Variants in ACTN4 observed in about 807,000 individuals in gnomAD.
The protein encoded by ACTN4 is actinin alpha 4.
Under a neutral mutation model 114.2 loss-of-function variants are expected in ACTN4, and 18 were observed. The observed-to-expected ratio is 0.16, with a 90% CI of 0.11 to 0.23. The LOEUF is 0.23. Among genes scored for constraint, ACTN4 ranks in the 10% least tolerant of loss-of-function variants. The pLI is 1.00. For synonymous variants in ACTN4, 515 were observed against 506.3 expected (o/e 1.02, Z -0.23); for missense variants, 722 against 1,262.9 (o/e 0.57, Z 6.49).
chr19:38,681,292 A>G (rs968749770), intron 1 of ACTN4, among the ~76,000 whole-genome samples: 4 of 152,042 alleles, frequency 2.6e-5, no homozygotes, highest in African/African-American at 9.7e-5. Context: ...ATCTGTGCCC[A>G]TGTCTCCCTC....
chr19:38,700,588 C>T lies in ACTN4; in HGVS notation c.163-12C>T. ...CTGACTCTGCGCACTGTCCTTTGTTCTGCTTCCCCAGACCTTCACGGCATG... is the reference window on the plus strand; with the variant it reads ...CTGACTCTGCGCACTGTCCTTTGTTTTGCTTCCCCAGACCTTCACGGCATG... On this transcript the variant is annotated splice_polypyrimidine_tract_variant and intron_variant, in intron 1 of 20. Coordinates refer to ENST00000252699, the MANE Select transcript of ACTN4 (RefSeq NM_004924.6). 1 of 1,608,382 alleles carries T rather than the reference C, an allele frequency of 6.2e-7. No homozygotes were observed. The highest frequency in any genetic ancestry group is 8.5e-7 in the Non-Finnish European group (1 of 1,174,776).
At chr19:38,693,287 C>T (rs781119660) in intron 1 of ACTN4, among the ~76,000 whole-genome samples, 33 of 152,274 alleles carry the variant, frequency 2.2e-4, no homozygotes, top group Middle Eastern at 6.8e-3. Flanking sequence ...CCTGAGGGAT[C>T]GCTCGAGCCT....
chr19:38,671,893 C>T (rs1967140428), intron 1 of ACTN4, among the ~76,000 whole-genome samples: 1 of 152,182 alleles, frequency 6.6e-6, no homozygotes, highest in South Asian at 2.1e-4. Context: ...AATTGTTTCT[C>T]AGGCTGGCCT....
intron 11 of ACTN4, 80 bp from the exon 12 acceptor site, chr19:38,721,458 C>T: frequency 1.3e-6 from 2 of 1,542,686 alleles, no homozygotes; most frequent in Middle Eastern, 1.7e-4. Context: ...CTCTTTCCCT[C>T]CCTCTGCTTG....
intron 1 of ACTN4, among the ~76,000 whole-genome samples, chr19:38,694,793 A>G (rs913477895): frequency 7.2e-5 from 11 of 152,330 alleles, no homozygotes; most frequent in Middle Eastern, 3.4e-3. Context: ...TAATGTGTAA[A>G]TAGTAAGAAC....
intron 5 of ACTN4, 21 bp downstream of exon 5, chr19:38,706,152 T>C (rs750292320): frequency 6.2e-7 from 1 of 1,604,430 alleles, no homozygotes; most frequent in African/African-American, 1.3e-5. Context: ...GTCCTGGTCA[T>C]CCTCTCCTTT....
intron 11 of ACTN4, among the ~76,000 whole-genome samples, chr19:38,720,375 C>G (rs1250003168): frequency 2.0e-5 from 3 of 152,222 alleles, no homozygotes; most frequent in Non-Finnish European, 4.4e-5. Context: ...TCTGCGGAGG[C>G]AGAGGGAGAT....
At chr19:38,718,579 A>G (rs1276237411) in intron 11 of ACTN4, among the ~76,000 whole-genome samples, 1 of 152,038 alleles carries the variant, frequency 6.6e-6, no homozygotes, top group Non-Finnish European at 1.5e-5. Flanking sequence ...CTTCAGCCCC[A>G]GAAAGCAGGG....
At chr19:38,720,928 A>T (rs546465377) in intron 11 of ACTN4, among the ~76,000 whole-genome samples, 1 of 152,276 alleles carries the variant, frequency 6.6e-6, no homozygotes, top group South Asian at 2.1e-4. Context: ...GGCTTCCTTG[A>T]GCTTTGGTTC....
chr19:38,659,121 T>C (rs1474728328), intron 1 of ACTN4, among the ~76,000 whole-genome samples: 1 of 140,184 alleles, frequency 7.1e-6, no homozygotes, highest in Non-Finnish European at 1.5e-5. Context: ...AGTGTAGTGG[T>C]GCAATCTCGG....
In ACTN4 at chr19:38,729,159, G is replaced by A. The variant is rs1172546974; in HGVS notation, c.2577+5G>A. On this transcript the variant is annotated splice_donor_5th_base_variant and intron_variant, in intron 20 of 20. Transcript: ENST00000252699. ...AAGGTCTTAGCAGGGGACAAGGTGA[G>A]CGAGACCCCTACGAGGTGCATGGGG... 3 of 1,613,014 alleles carry A rather than the reference G, an allele frequency of 1.9e-6. No homozygotes were observed. The highest frequency in any genetic ancestry group is 2.5e-6 in the Non-Finnish European group (3 of 1,180,004).
chr19:38,730,637 C>G lies in ACTN4; in HGVS notation c.*1205C>G, dbSNP rs966244070. 1.6e-6 allele frequency: 1 copy of G among 624,360 alleles called. No individual in the cohort carries two copies. The highest frequency in any genetic ancestry group is 1.8e-5 in the African/African-American group (1 of 54,992). The allele number at this position is 624,360 out of a possible 1,614,324, so 38.7% of individuals were successfully genotyped here. The stretch of plus-strand genomic sequence containing the variant: ...CTTAAGCTGTCAACGTGGACTAGCT[C>G]GTGTCATCTGCTCGAGAAGGGCTGT... On this transcript the variant is annotated 3_prime_UTR_variant, in exon 21 of 21. Transcript: ENST00000252699.
chr19:38,651,588 T>C (rs188159574), intron 1 of ACTN4, among the ~76,000 whole-genome samples: 1 of 152,278 alleles, frequency 6.6e-6, no homozygotes, highest in East Asian at 1.9e-4. Context: ...GAAACATCAC[T>C]ATTTCAGGGG....
intron 1 of ACTN4, among the ~76,000 whole-genome samples, chr19:38,684,430 C>T (rs1048267399): frequency 6.6e-6 from 1 of 152,180 alleles, no homozygotes; most frequent in Non-Finnish European, 1.5e-5. Flanking sequence ...GCTGCCCCAC[C>T]CTGGTCCCCC....
In ACTN4 at chr19:38,730,712, G is replaced by A. The variant is rs747837065; in HGVS notation, c.*1280G>A. 1.3e-4 allele frequency: 140 copies of A among 1,055,542 alleles called. No individual in the cohort carries two copies. Among genetic ancestry groups the A allele is most frequent in the Non-Finnish European group, 1.8e-4 (129 of 719,798 alleles). The allele number at this position is 1,055,542 out of a possible 1,614,324, so 65.4% of individuals were successfully genotyped here. A position where few individuals can be genotyped will look rare whatever the true frequency, so the allele number is the denominator to read the frequency against. ...AGTACGCAGGCCAGAGTGGTCACCC[G>A]GCCGTGAGCAGTGAGGGCCAGAGAC... On this transcript the variant is annotated 3_prime_UTR_variant, in exon 21 of 21. Coordinates refer to ENST00000252699, the MANE Select transcript of ACTN4 (RefSeq NM_004924.6).
intron 4 of ACTN4, 88 bp from the exon 5 acceptor site, chr19:38,705,956 G>T: frequency 7.2e-7 from 1 of 1,380,416 alleles, no homozygotes; most frequent in Non-Finnish European, 1.0e-6. Flanking sequence ...TTTGACCCCA[G>T]GCCTGAGCCG....
At chr19:38,706,671 G>A (rs1054130256) in intron 5 of ACTN4, among the ~76,000 whole-genome samples, 9 of 152,142 alleles carry the variant, frequency 5.9e-5, no homozygotes, top group African/African-American at 9.7e-5. Context: ...CTCCTACCCC[G>A]GCCTCCCAAA....
rs1968619836 is a variant in ACTN4, at chr19:38,710,743, T to TG, written c.819+402dup. ...TGGAGGGGTGAAGTGAGCAGGTACT[T>TG]GCAGCAGGAGCTGCTAGATGCAGGC... is the stretch of plus-strand genomic sequence containing the variant. On this transcript the variant is annotated intron_variant, in intron 8 of 20. Coordinates refer to ENST00000252699, the MANE Select transcript of ACTN4 (RefSeq NM_004924.6). 4 of 337,652 alleles carry TG rather than the reference T, an allele frequency of 1.2e-5. 1 individual carries two copies. The highest frequency in any genetic ancestry group is 9.6e-5 in the South Asian group (4 of 41,538). 20.9% of individuals were successfully genotyped at this position (337,652 alleles called of 1,614,324 possible). A position where few individuals can be genotyped will look rare whatever the true frequency, so the allele number is the denominator to read the frequency against.
At chr19:38,716,708 G>A (rs1968852335) in intron 9 of ACTN4, among the ~76,000 whole-genome samples, 1 of 152,232 alleles carries the variant, frequency 6.6e-6, no homozygotes, top group South Asian at 2.1e-4. Context: ...TCGGAGGTAG[G>A]CACCTGTAGT....
Sources: gnomAD v4.1 joint callset for allele counts (sites outside exome capture counted in the v4.1 genomes callset) on GRCh38, gnomAD v4.1.1 for gene constraint, MANE v1.5 for transcripts, NCBI Gene and HGNC (gene_info 2026-07-23, HGNC 2026-07-21) for gene names.